Variants in KLHL29 observed in about 807,000 individuals in gnomAD.
The protein encoded by KLHL29 is kelch-like protein 29.
Under a neutral mutation model 80.4 loss-of-function variants are expected in KLHL29, and 21 were observed. The ratio of observed to expected loss-of-function variants is 0.26; its 90% CI spans 0.19 to 0.38. KLHL29 has a LOEUF of 0.38. Ranked by LOEUF, KLHL29 falls within the 10% of genes least tolerant of loss-of-function variation. KLHL29 has a pLI of 1.00. For missense variants in KLHL29, 867 were observed against 1,223.9 expected (o/e 0.71, Z 4.35); for synonymous variants, 511 against 526.8 (o/e 0.97, Z 0.41).
intron 5 of KLHL29, chr2:23,644,238 C>G (rs1016493992): frequency 1.3e-5 from 2 of 150,994 alleles, no homozygotes; most frequent in African/African-American, 4.9e-5. Context: ...TTGATTTTTT[C>G]TTTGCATTGT....
At chr2:23,646,996 G>C (rs1669953188) in intron 5 of KLHL29, among the ~76,000 whole-genome samples, 2 of 152,244 alleles carry the variant, frequency 1.3e-5, no homozygotes, top group Admixed American at 6.5e-5. Context: ...GGTCTAGAGA[G>C]TTCAGCAGAG....
intron 2 of KLHL29, among the ~76,000 whole-genome samples, chr2:23,547,332 G>A (rs1186679278): frequency 6.6e-6 from 1 of 152,218 alleles, no homozygotes; most frequent in Non-Finnish European, 1.5e-5. Context: ...CTGTGGACCA[G>A]ATATGATAAG....
chr2:23,649,211 C>G (rs1670021218), intron 5 of KLHL29, among the ~76,000 whole-genome samples: 1 of 152,172 alleles, frequency 6.6e-6, no homozygotes, highest in Admixed American at 6.5e-5. Context: ...CCCCATCCCA[C>G]CCTTGCCCTG....
chr2:23,399,797 G>A (rs1328581875), intron 1 of KLHL29, among the ~76,000 whole-genome samples: 3 of 152,064 alleles, frequency 2.0e-5, no homozygotes, highest in Admixed American at 6.5e-5. Flanking sequence ...GCCTGTTCTC[G>A]ATGTTCTTGT....
At chr2:23,688,570 C>T (rs865924457) in intron 6 of KLHL29, among the ~76,000 whole-genome samples, 3 of 152,238 alleles carry the variant, frequency 2.0e-5, no homozygotes, top group African/African-American at 7.2e-5. Flanking sequence ...GCAGAGGCTG[C>T]GTCCCGGACT....
At chr2:23,638,713 A>T (rs1473861473) in intron 3 of KLHL29, among the ~76,000 whole-genome samples, 1 of 152,206 alleles carries the variant, frequency 6.6e-6, no homozygotes, top group African/African-American at 2.4e-5. Flanking sequence ...GGTGGCACAG[A>T]GGCTGGGCTG....
intron 2 of KLHL29, among the ~76,000 whole-genome samples, chr2:23,512,380 G>A (rs1290239474): frequency 6.6e-6 from 1 of 151,870 alleles, no homozygotes; most frequent in Non-Finnish European, 1.5e-5. Flanking sequence ...GGGAGGTGGA[G>A]GTTGCTGTGA....
rs6760173 is a variant in KLHL29, at chr2:23,519,686, G to T, written c.-45-42466G>T. 9.5e-3 allele frequency among the ~76,000 whole-genome samples: 1,443 copies of T among 152,314 alleles called. 21 individuals are homozygous for T. Among genetic ancestry groups the T allele is most frequent in the African/African-American group, 0.033 (1,373 of 41,570 alleles). On this transcript the variant is annotated intron_variant, in intron 2 of 13. Transcript: ENST00000486442. ...AGTCCTGACGACATGTTCCCAAGGTGGTCGGGGGACAGCTTGGTTTCATCC... is the reference window on the plus strand; with the variant it reads ...AGTCCTGACGACATGTTCCCAAGGTTGTCGGGGGACAGCTTGGTTTCATCC...
chr2:23,407,585 G>A (rs534057081), intron 1 of KLHL29, among the ~76,000 whole-genome samples: 1 of 151,788 alleles, frequency 6.6e-6, no homozygotes, highest in South Asian at 2.1e-4. Flanking sequence ...TGGTTTCTCG[G>A]TTGTATAGAT....
At chr2:23,536,968 T>C (rs1170044728) in intron 2 of KLHL29, among the ~76,000 whole-genome samples, 1 of 151,616 alleles carries the variant, frequency 6.6e-6, no homozygotes, top group African/African-American at 2.4e-5. Flanking sequence ...TCGCTCTCTC[T>C]CCTTCAGGTG....
chr2:23,554,155 C>G (rs572510283), intron 2 of KLHL29, among the ~76,000 whole-genome samples: 2 of 152,214 alleles, frequency 1.3e-5, no homozygotes, highest in Admixed American at 6.5e-5. Flanking sequence ...CACGTCAAGT[C>G]GTGGCCAAGC....
chr2:23,394,298 A>G (rs1363406013), intron 1 of KLHL29, among the ~76,000 whole-genome samples: 1 of 152,200 alleles, frequency 6.6e-6, no homozygotes, highest in Non-Finnish European at 1.5e-5. Context: ...GGGAACTTTA[A>G]GGATATATAT....
In KLHL29 at chr2:23,503,248, C is replaced by T. The variant is rs754405112; in HGVS notation, c.-46+27581C>T. Among the ~76,000 whole-genome samples, 4 of 152,152 alleles carry T rather than the reference C, an allele frequency of 2.6e-5. No individual in the cohort carries two copies. Among genetic ancestry groups the T allele is most frequent in the Non-Finnish European group, 5.9e-5 (4 of 68,034 alleles). Reference sequence around the variant, plus strand: ...ATGGCTGCTCCGGGCTGGCCTGGGCCTCGCTCTGCCTCTGTTGTTGCTCTG... The same window carrying T: ...ATGGCTGCTCCGGGCTGGCCTGGGCTTCGCTCTGCCTCTGTTGTTGCTCTG... On this transcript the variant is annotated intron_variant, in intron 2 of 13. Transcript: ENST00000486442. The surrounding 1 kb of genome is among the most constrained non-coding windows in gnomAD (Gnocchi z 4.0).
At chr2:23,487,618 C>T (rs1558356581) in intron 2 of KLHL29, among the ~76,000 whole-genome samples, 2 of 151,906 alleles carry the variant, frequency 1.3e-5, no homozygotes, top group African/African-American at 4.8e-5. Flanking sequence ...GCAGGACTTG[C>T]CCCCAGTGCC....
At chr2:23,633,752 C>T (rs1669530320) in intron 3 of KLHL29, among the ~76,000 whole-genome samples, 2 of 30,582 alleles carry the variant, frequency 6.5e-5, no homozygotes, top group South Asian at 2.5e-3. Context: ...AGAGTCACAG[C>T]ACTCGTGTGT....
chr2:23,420,458 C>T (rs555062095), intron 1 of KLHL29, among the ~76,000 whole-genome samples: 19 of 152,326 alleles, frequency 1.2e-4, no homozygotes, highest in African/African-American at 4.1e-4. Flanking sequence ...CGCTGGCTCC[C>T]GAGACCGGGC....
chr2:23,521,000 C>CCG (rs1553334473), intron 2 of KLHL29, among the ~76,000 whole-genome samples: 1 of 151,708 alleles, frequency 6.6e-6, no homozygotes, highest in Non-Finnish European at 1.5e-5. Context: ...CCACCCCCCC[C>CCG]CCCGCTCCCC....
intron 2 of KLHL29, among the ~76,000 whole-genome samples, chr2:23,549,683 G>A (rs1667073004): frequency 6.6e-6 from 1 of 152,196 alleles, no homozygotes; most frequent in African/African-American, 2.4e-5. Flanking sequence ...GACCAAAAAC[G>A]CCCCTTCCTT....
chr2:23,679,726 C>T (rs951803862), intron 5 of KLHL29, among the ~76,000 whole-genome samples: 7 of 152,294 alleles, frequency 4.6e-5, no homozygotes, highest in African/African-American at 1.2e-4. Context: ...CTCCTAGTAT[C>T]GATAAAGAAG....
Sources: allele counts gnomAD v4.1 joint callset (sites outside exome capture counted in the v4.1 genomes callset), GRCh38; gene constraint gnomAD v4.1.1; non-coding constraint Gnocchi (gnomAD v3.1); transcripts MANE v1.5; gene names NCBI Gene and HGNC (gene_info 2026-07-23, HGNC 2026-07-21).